The following AOPEP variants were observed in gnomAD, a reference collection of about 807,000 sequenced individuals.
AOPEP encodes aminopeptidase O (putative), also known as aminopeptidase O.
Under a neutral mutation model 98.1 loss-of-function variants are expected in AOPEP, and 77 were observed. The ratio of observed to expected loss-of-function variants is 0.78; its 90% CI spans 0.65 to 0.95. AOPEP has a LOEUF of 0.95. Among genes scored for constraint, AOPEP ranks in the 40% least tolerant of loss-of-function variants. The pLI is 0.00. For missense variants in AOPEP, 1,024 were observed against 1,024.7 expected (o/e 1.00, Z 0.01); for synonymous variants, 346 against 365.3 (o/e 0.95, Z 0.60).
chr9:94,891,803 T>G (rs1190756704), intron 5 of AOPEP, among the ~76,000 whole-genome samples: 5 of 152,228 alleles, frequency 3.3e-5, no homozygotes, highest in Non-Finnish European at 5.9e-5. Flanking sequence ...ACTCATTCTT[T>G]TCTTCTTTCC....
chr9:94,991,048 G>A (rs973962607), intron 11 of AOPEP, among the ~76,000 whole-genome samples: 17 of 152,222 alleles, frequency 1.1e-4, no homozygotes, highest in African/African-American at 3.6e-4. Context: ...CCCCTTGGCT[G>A]TTTGACATCG....
At chr9:94,996,693 A>G (rs1164651339) in intron 11 of AOPEP, among the ~76,000 whole-genome samples, 2 of 152,182 alleles carry the variant, frequency 1.3e-5, no homozygotes, top group Non-Finnish European at 2.9e-5. Flanking sequence ...AGCTGGTGAA[A>G]TATCAACATC....
At chr9:94,943,940 A>C (rs896433483) in intron 7 of AOPEP, among the ~76,000 whole-genome samples, 32 of 151,264 alleles carry the variant, frequency 2.1e-4, no homozygotes, top group African/African-American at 6.3e-4. Flanking sequence ...AAAAAAAAAA[A>C]AAAAAAACAG....
At chr9:95,129,813 G>T in the AOPEP span, among the ~76,000 whole-genome samples, 1 of 152,136 alleles carries the variant, frequency 6.6e-6, no homozygotes, top group Non-Finnish European at 1.5e-5. Context: ...TGCCCAGGAT[G>T]ACTAGGGAGC....
Position 94,979,576 on chromosome 9 carries a change from C to G in AOPEP, c.1977+149C>G, listed in dbSNP as rs2060052300. 4.8e-5 allele frequency: 28 copies of G among 587,274 alleles called. No individual in the cohort carries two copies. The South Asian group carries it at 6.2e-4, about 13-fold the overall frequency. The allele number at this position is 587,274 out of a possible 1,614,324, so 36.4% of individuals were successfully genotyped here. On this transcript the variant is annotated intron_variant, in intron 11 of 16. Coordinates refer to ENST00000375315, the MANE Select transcript of AOPEP (RefSeq NM_001193329.3). The stretch of plus-strand genomic sequence containing the variant: ...AGTATCTGTAAGTCAGAACACTAGT[C>G]TCTCCCGCATTTCCCCCCCTCATTG...
intron 14 of AOPEP, among the ~76,000 whole-genome samples, chr9:95,072,166 G>C (rs949341672): frequency 1.4e-4 from 21 of 152,226 alleles, no homozygotes; most frequent in African/African-American, 5.1e-4. Flanking sequence ...GCCTGAGCCT[G>C]TGCAGCCCAT....
chr9:94,908,616 G>A (rs1292143361), intron 5 of AOPEP, among the ~76,000 whole-genome samples: 1 of 152,124 alleles, frequency 6.6e-6, no homozygotes, highest in Admixed American at 6.5e-5. Context: ...AATGGTTTAG[G>A]CTGCTGAGAG....
intron 7 of AOPEP, among the ~76,000 whole-genome samples, chr9:94,940,534 A>G (rs1342105519): frequency 6.6e-6 from 1 of 152,116 alleles, no homozygotes; most frequent in Non-Finnish European, 1.5e-5. Context: ...CCTGAGAGGC[A>G]GAGGCTGAAG....
At chr9:95,123,347 A>C in the AOPEP span, 8 of 346,570 alleles carry the variant, frequency 2.3e-5, no homozygotes, top group East Asian at 6.8e-4. Context: ...TTGCTTTAAA[A>C]AGCAGAAACA....
chr9:94,734,151 C>T (rs754882916), intron 1 of AOPEP, among the ~76,000 whole-genome samples: 6 of 152,084 alleles, frequency 3.9e-5, no homozygotes, highest in Non-Finnish European at 7.4e-5. Context: ...TGCTCCCCGC[C>T]GAGTTTATCT....
At chr9:95,107,182 G>A in the AOPEP span, 5 of 1,614,056 alleles carry the variant, frequency 3.1e-6, no homozygotes, top group Non-Finnish European at 4.2e-6. Flanking sequence ...TCTGTGCCCT[G>A]TCCTGCTACC....
chr9:94,973,756 GCT>G (rs907897055), intron 10 of AOPEP, among the ~76,000 whole-genome samples: 13 of 152,212 alleles, frequency 8.5e-5, no homozygotes, highest in African/African-American at 3.1e-4. Flanking sequence ...TGTACTTTTA[GCT>G]CTCTGTATAA....
At chr9:94,861,854 T>G (rs2045053043) in intron 5 of AOPEP, among the ~76,000 whole-genome samples, 1 of 152,204 alleles carries the variant, frequency 6.6e-6, no homozygotes, top group African/African-American at 2.4e-5. Flanking sequence ...GGACCTGCTC[T>G]TCTGAAGCAC....
At position 94,924,193 on chromosome 9, in the gene AOPEP, T is replaced by G. The variant is rs2053990421; in HGVS notation, c.1554+18T>G. 1 of 1,340,010 alleles carries G rather than the reference T, an allele frequency of 7.5e-7. No homozygotes were observed. Among genetic ancestry groups the G allele is most frequent in the Non-Finnish European group, 9.7e-7 (1 of 1,034,060 alleles). The allele number at this position is 1,340,010 out of a possible 1,614,324, so 83.0% of individuals were successfully genotyped here. On this transcript the variant is annotated intron_variant, in intron 6 of 16. Transcript: ENST00000375315. ...CACAGCAGGTGGGTTAAAGTGACCC[T>G]AAGTATTTCACTACCCAGAGTCAAA...
chr9:94,849,256 A>G (rs1044935247), intron 5 of AOPEP, among the ~76,000 whole-genome samples: 1 of 152,194 alleles, frequency 6.6e-6, no homozygotes, highest in Non-Finnish European at 1.5e-5. Context: ...TTTTCATTGA[A>G]GTTTAGTTTT....
At chr9:94,877,659 G>T (rs916385309) in intron 5 of AOPEP, among the ~76,000 whole-genome samples, 5 of 152,092 alleles carry the variant, frequency 3.3e-5, no homozygotes, top group African/African-American at 4.8e-5. Flanking sequence ...GACCTCAAGT[G>T]ATCTGCCCAC....
chr9:94,872,340 G>A (rs1263134778), intron 5 of AOPEP, among the ~76,000 whole-genome samples: 1 of 152,106 alleles, frequency 6.6e-6, no homozygotes, highest in Non-Finnish European at 1.5e-5. Context: ...TTTTACAGAG[G>A]CGGAAACAGG....
the AOPEP span, chr9:95,135,433 T>G: frequency 6.2e-7 from 1 of 1,613,818 alleles, no homozygotes; most frequent in Non-Finnish European, 8.5e-7. Context: ...GCAGCATTGC[T>G]TTTTCAAGGC....
chr9:94,819,946 C>CTTTTTTTTT (rs11423201), intron 5 of AOPEP, among the ~76,000 whole-genome samples: 5 of 121,588 alleles, frequency 4.1e-5, no homozygotes, highest in East Asian at 2.4e-4. Flanking sequence ...TAGTGCAATT[C>CTTTTTTTTT]TTTTTTTTTT....
Sources: allele counts gnomAD v4.1 joint callset (sites outside exome capture counted in the v4.1 genomes callset), GRCh38; gene constraint gnomAD v4.1.1; transcripts MANE v1.5; gene names NCBI Gene and HGNC (gene_info 2026-07-23, HGNC 2026-07-21).